Variants in DSCAML1 observed in about 807,000 individuals in gnomAD.
DSCAML1 encodes the protein cell adhesion molecule DSCAML1.
A neutral mutation model predicts 200.5 loss-of-function variants in DSCAML1; 38 were observed. That is an observed-to-expected ratio of 0.19 (90% CI 0.15 to 0.25). DSCAML1 has a LOEUF of 0.25. DSCAML1 is among the 10% of genes least tolerant of loss of function. DSCAML1 has a pLI of 1.00. For missense variants in DSCAML1, 2,223 were observed against 2,858.8 expected (o/e 0.78, Z 5.07); for synonymous variants, 1,215 against 1,165.0 (o/e 1.04, Z -0.87).
chr11:117,552,432 C>G (rs551078812), intron 3 of DSCAML1, among the ~76,000 whole-genome samples: 65 of 152,216 alleles, frequency 4.3e-4, no homozygotes, highest in African/African-American at 1.3e-3. Context: ...AATCCACCCC[C>G]CTCTCCCCTG....
chr11:117,431,147 G>A (rs1224095192), intron 31 of DSCAML1, 114 bp from the exon 32 acceptor site: 5 of 1,064,626 alleles, frequency 4.7e-6, no homozygotes, highest in South Asian at 3.1e-5. Context: ...GGCCATGGAG[G>A]GCACCAGGCT....
chr11:117,475,982 C>CCT, intron 14 of DSCAML1, among the ~76,000 whole-genome samples: 1 of 152,284 alleles, frequency 6.6e-6, no homozygotes, highest in South Asian at 2.1e-4. Context: ...CCCTGAATGG[C>CCT]TGAGACCAGG....
intron 20 of DSCAML1, among the ~76,000 whole-genome samples, chr11:117,447,264 G>A (rs896830357): frequency 2.0e-5 from 3 of 152,128 alleles, no homozygotes; most frequent in African/African-American, 7.2e-5. Flanking sequence ...CTCCAGCCTG[G>A]GTGACAGAGC....
At chr11:117,720,135 T>A (rs1178912575) in intron 3 of DSCAML1, among the ~76,000 whole-genome samples, 1 of 152,016 alleles carries the variant, frequency 6.6e-6, no homozygotes, top group African/African-American at 2.4e-5. Flanking sequence ...AGCACTGGCA[T>A]GCCCAGAATA....
chr11:117,555,438 C>T (rs902915722), intron 3 of DSCAML1, among the ~76,000 whole-genome samples: 2 of 152,122 alleles, frequency 1.3e-5, no homozygotes, highest in African/African-American at 4.8e-5. Flanking sequence ...GCTCAAGGTG[C>T]GCAGGGAGCC....
intron 3 of DSCAML1, among the ~76,000 whole-genome samples, chr11:117,570,880 C>G (rs144944819): frequency 2.6e-5 from 4 of 152,344 alleles, no homozygotes; most frequent in African/African-American, 9.6e-5. Flanking sequence ...GAGGCTGAAG[C>G]CTTGTTCCTT....
intron 3 of DSCAML1, among the ~76,000 whole-genome samples, chr11:117,742,025 T>C (rs1460158493): frequency 6.6e-6 from 1 of 152,140 alleles, no homozygotes; most frequent in Non-Finnish European, 1.5e-5. Context: ...GAATGAGACA[T>C]CTCCTCTCCT....
At chr11:117,663,585 G>A (rs917709098) in intron 3 of DSCAML1, among the ~76,000 whole-genome samples, 1 of 152,056 alleles carries the variant, frequency 6.6e-6, no homozygotes, top group Non-Finnish European at 1.5e-5. Flanking sequence ...TCTCTTCCAG[G>A]AGGCTCTCTC....
chr11:117,465,256 G>C, intron 16 of DSCAML1, 74 bp from the exon 17 acceptor site: 1 of 1,569,992 alleles, frequency 6.4e-7, no homozygotes, highest in Non-Finnish European at 8.7e-7. Flanking sequence ...ACCAAAGTCA[G>C]ATCATGTCAC....
At chr11:117,786,570 G>T (rs993172383) in intron 1 of DSCAML1, among the ~76,000 whole-genome samples, 4 of 152,094 alleles carry the variant, frequency 2.6e-5, no homozygotes, top group African/African-American at 9.7e-5. Context: ...TGACCCCCAG[G>T]GCTCCCACCC....
intron 11 of DSCAML1, among the ~76,000 whole-genome samples, chr11:117,499,111 T>C (rs1438542791): frequency 6.6e-6 from 1 of 152,216 alleles, no homozygotes; most frequent in Non-Finnish European, 1.5e-5. Context: ...CTGCCTCTCG[T>C]TGAAGAATTC....
chr11:117,547,997 G>A (rs1365222764), intron 3 of DSCAML1, among the ~76,000 whole-genome samples: 1 of 152,158 alleles, frequency 6.6e-6, no homozygotes, highest in Non-Finnish European at 1.5e-5. Flanking sequence ...CCCCCACCAC[G>A]GGTCTTTCTG....
At position 117,807,864 on chromosome 11, in the gene DSCAML1, C is replaced by T. The variant is rs549269006; in HGVS notation, c.-250+9526G>A. Among the ~76,000 whole-genome samples, 4 of 152,316 alleles carry T rather than the reference C, an allele frequency of 2.6e-5. No individual in the cohort carries two copies. The East Asian group carries it at 7.7e-4, about 29-fold the overall frequency. On this transcript the variant is annotated intron_variant, in intron 1 of 2. Coordinates refer to the DSCAML1 transcript ENST00000525836. ...AAATTGGAGCTTTGCAGTTTTCACC[C>T]AGGCTAGAGTGCAAAGGCGTGGTCT...
intron 3 of DSCAML1, among the ~76,000 whole-genome samples, chr11:117,692,357 C>T (rs999998444): frequency 3.9e-5 from 6 of 152,068 alleles, no homozygotes; most frequent in African/African-American, 1.2e-4. Context: ...CACTCGGAGC[C>T]GTTCTGAGTG....
chr11:117,708,335 T>C (rs2053788230), intron 3 of DSCAML1, among the ~76,000 whole-genome samples: 1 of 152,184 alleles, frequency 6.6e-6, no homozygotes, highest in Non-Finnish European at 1.5e-5. Context: ...AGATACCAAA[T>C]CTGTCTTTGT....
rs1464314543 is a variant in DSCAML1, at chr11:117,461,523, C to T, written c.3339G>A (p.Glu1113=). The T allele has an allele frequency of 1.5e-5, 25 of 1,614,084 alleles. No individual in the cohort carries two copies. The highest frequency in any genetic ancestry group is 1.3e-4 in the East Asian group (6 of 44,898). Reference sequence around the variant, plus strand: ...CGCCATTGAGGGTGCTGCGCGGGGGCTCTGACCAGGAGATGACGGCCACGT... The same window carrying T: ...CGCCATTGAGGGTGCTGCGCGGGGGTTCTGACCAGGAGATGACGGCCACGT... ...TSDVAVISWS[E]PPRSTLNGVL... is the part of the protein sequence containing the mutation. Residue 1113 remains glutamate, a synonymous_variant, in exon 18 of 33, where the codon GAG becomes GAA. Coordinates refer to ENST00000651296, the MANE Select transcript of DSCAML1 (RefSeq NM_020693.4).
At chr11:117,678,523 C>T (rs954706722) in intron 3 of DSCAML1, among the ~76,000 whole-genome samples, 5 of 152,062 alleles carry the variant, frequency 3.3e-5, no homozygotes, top group Admixed American at 2.6e-4. Flanking sequence ...AGTTAGGTAC[C>T]ATGGAAGGGG....
intron 16 of DSCAML1, among the ~76,000 whole-genome samples, chr11:117,466,921 C>T (rs1406949679): frequency 6.6e-6 from 1 of 152,212 alleles, no homozygotes; most frequent in Non-Finnish European, 1.5e-5. Flanking sequence ...TGCAGCCCCT[C>T]TGGGAACTCT....
At chr11:117,586,196 C>T (rs528702220) in intron 3 of DSCAML1, among the ~76,000 whole-genome samples, 1 of 151,536 alleles carries the variant, frequency 6.6e-6, no homozygotes, top group East Asian at 2.0e-4. Flanking sequence ...GAATGCAGGT[C>T]TCTTGACTCT....
Sources: allele counts gnomAD v4.1 joint callset (sites outside exome capture counted in the v4.1 genomes callset), GRCh38; gene constraint gnomAD v4.1.1; transcripts MANE v1.5; gene names NCBI Gene and HGNC (gene_info 2026-07-23, HGNC 2026-07-21).